The following FAM149A variants were observed in gnomAD, a reference collection of about 807,000 sequenced individuals.
FAM149A encodes protein FAM149A.
Under a neutral mutation model 78.2 loss-of-function variants are expected in FAM149A, and 71 were observed. The ratio of observed to expected loss-of-function variants is 0.91; its 90% CI spans 0.75 to 1.11. FAM149A has a LOEUF of 1.11. Among genes scored for constraint, FAM149A ranks in the 50% least tolerant of loss-of-function variants. The pLI is 0.00. For missense variants in FAM149A, 1,036 were observed against 971.0 expected, an observed-to-expected ratio of 1.07 and a Z score of -0.89; for synonymous variants, 446 against 410.5, an observed-to-expected ratio of 1.09 and a Z score of -1.04.
chr4:186,116,864 ATG>A (rs2099313951), intron 1 of FAM149A: 1 of 566,820 alleles, frequency 1.8e-6, no homozygotes, highest in Non-Finnish European at 2.2e-6. Flanking sequence ...CAAGCTCATA[ATG>A]ATAGTCCTAT....
intron 3 of FAM149A, chr4:186,151,143 C>A: frequency 2.6e-6 from 2 of 759,796 alleles, no homozygotes; most frequent in South Asian, 5.9e-5. Context: ...CTCAGCTCAG[C>A]ACTGCTAGGA....
At position 186,152,096 on chromosome 4, in the gene FAM149A, C is replaced by A. The variant is rs749475482; in HGVS notation, c.932+51C>A. 5 of 1,579,636 alleles carry A rather than the reference C, an allele frequency of 3.2e-6. No homozygotes were observed. In the Admixed American group the frequency reaches 8.4e-5, roughly 27 times the overall value. ...CTGGGGTGGGTTTTCCAAGCACCCA[C>A]CCCTGACCTGCCTCGATACATTCAG... On this transcript the variant is annotated intron_variant, in intron 4 of 13. Coordinates refer to ENST00000389354, the MANE Select transcript of FAM149A (RefSeq NM_001367768.3).
intron 1 of FAM149A, chr4:186,123,809 A>C: frequency 1.0e-6 from 1 of 982,778 alleles, no homozygotes; most frequent in South Asian, 4.7e-5. Context: ...ATGAAATCCC[A>C]GACCCTTCAC....
chr4:186,142,136 A>G (rs976191272), intron 1 of FAM149A, among the ~76,000 whole-genome samples: 3 of 152,156 alleles, frequency 2.0e-5, no homozygotes. Context: ...GAAGGCAGGA[A>G]GCAGAAGTGA....
intron 1 of FAM149A, chr4:186,123,144 G>C: frequency 1.3e-6 from 1 of 790,466 alleles, no homozygotes; most frequent in Non-Finnish European, 1.5e-6. Context: ...TTCTGATGTG[G>C]AGTCCAGTGT....
At chr4:186,167,129 G>T (rs1390301820) in intron 12 of FAM149A, 33 bp downstream of exon 12, 2 of 1,601,748 alleles carry the variant, frequency 1.2e-6, no homozygotes, top group Non-Finnish European at 1.7e-6. Context: ...CTTTAATTTT[G>T]AAAAACATTT....
At chr4:186,119,954 C>T (rs1031633621) in intron 1 of FAM149A, among the ~76,000 whole-genome samples, 4 of 152,128 alleles carry the variant, frequency 2.6e-5, no homozygotes, top group Non-Finnish European at 5.9e-5. Flanking sequence ...AAAATTGAAT[C>T]CTAAGGAACT....
chr4:186,161,684 C>G (rs944420297), intron 8 of FAM149A, among the ~76,000 whole-genome samples: 1 of 152,002 alleles, frequency 6.6e-6, no homozygotes, highest in African/African-American at 2.4e-5. Flanking sequence ...TTTATAATTA[C>G]TTTGTTTGGA....
rs1406124716 is a variant in FAM149A at position 186,105,628 on chromosome 4, C to CG, written c.556dup (p.Asp186GlyfsTer12). 1 of 1,058,656 alleles carries CG rather than the reference C, an allele frequency of 9.4e-7. No individual in the cohort carries two copies. Among genetic ancestry groups the CG allele is most frequent in the African/African-American group, 1.7e-5 (1 of 57,642 alleles). The allele number at this position is 1,058,656 out of a possible 1,614,324, so 65.6% of individuals were successfully genotyped here. A position where few individuals can be genotyped will look rare whatever the true frequency, so the allele number is the denominator to read the frequency against. On this transcript the variant is annotated frameshift_variant, in exon 1 of 14. Transcript: ENST00000389354. LOFTEE classifies it high-confidence loss of function. Reference sequence around the variant, plus strand: ...AGGAGGGGGCCTCGGACGGCGACTCCGGGGATGGCGAAGCGTGAGTAGCAG... The same window carrying CG: ...AGGAGGGGGCCTCGGACGGCGACTCCGGGGGATGGCGAAGCGTGAGTAGCAG...
chr4:186,160,016 CCACA>C (rs1455859806), intron 8 of FAM149A, among the ~76,000 whole-genome samples: 1 of 145,692 alleles, frequency 6.9e-6, no homozygotes, highest in Non-Finnish European at 1.5e-5. Context: ...CACACACCCC[CCACA>C]CAAACACACA....
At position 186,160,159 on chromosome 4, in the gene FAM149A, G is replaced by T. The variant is rs7684001; in HGVS notation, c.1575+2440G>T. ...CACATACCACATACACACACTACAC[G>T]CACACACACCACACACCAAACACAT... is the stretch of plus-strand genomic sequence containing the variant. On this transcript the variant is annotated intron_variant, in intron 8 of 13. Transcript: ENST00000389354. Among the ~76,000 whole-genome samples the T allele has an allele frequency of 7.0e-5, 6 of 86,260 alleles. No individual in the cohort carries two copies. In the East Asian group the frequency reaches 2.0e-3, roughly 28 times the overall value. 56.6% of individuals were successfully genotyped at this position (86,260 alleles called of 152,430 possible). A position where few individuals can be genotyped will look rare whatever the true frequency, so the allele number is the denominator to read the frequency against.
intron 1 of FAM149A, among the ~76,000 whole-genome samples, chr4:186,120,151 G>A (rs1178796257): frequency 6.6e-6 from 1 of 152,034 alleles, no homozygotes; most frequent in African/African-American, 2.4e-5. Flanking sequence ...AGTAACGGCT[G>A]GTATTTCAGG....
Position 186,105,513 on chromosome 4 carries a change from A to G in FAM149A, c.437A>G (p.Gln146Arg). The G allele has an allele frequency of 8.6e-7, 1 of 1,166,350 alleles. No homozygotes were observed. Among genetic ancestry groups the G allele is most frequent in the Non-Finnish European group, 1.1e-6 (1 of 937,636 alleles). The allele number at this position is 1,166,350 out of a possible 1,614,324, so 72.3% of individuals were successfully genotyped here. A position where few individuals can be genotyped will look rare whatever the true frequency, so the allele number is the denominator to read the frequency against. Residue 146 changes from glutamine to arginine, a missense_variant, in exon 1 of 14, where the codon CAG (glutamine) becomes CGG (arginine). Coordinates refer to ENST00000389354, the MANE Select transcript of FAM149A (RefSeq NM_001367768.3). ...GCCGCGCTCCCCAGGAACCCGCTCCAGCCTGGCCCCGGAGAGCGAGAGCTC... is the reference window on the plus strand; with the variant it reads ...GCCGCGCTCCCCAGGAACCCGCTCCGGCCTGGCCCCGGAGAGCGAGAGCTC...
intron 3 of FAM149A, 61 bp from the exon 4 acceptor site, chr4:186,151,842 A>G: frequency 2.5e-6 from 4 of 1,587,338 alleles, no homozygotes; most frequent in Non-Finnish European, 3.4e-6. Flanking sequence ...AGTAGCGTTG[A>G]TCCAGAAGCC....
intron 7 of FAM149A, among the ~76,000 whole-genome samples, chr4:186,156,932 C>G (rs1734079945): frequency 1.6e-5 from 1 of 63,950 alleles, no homozygotes; most frequent in African/African-American, 3.8e-5. Flanking sequence ...GCACTCCATC[C>G]TGGGCAACAA....
At chr4:186,110,329 G>A in intron 1 of FAM149A, 1 of 984,538 alleles carries the variant, frequency 1.0e-6, no homozygotes. Flanking sequence ...TTGCTGCTGG[G>A]ACTTAGCATT....
In FAM149A at chr4:186,105,619, C is replaced by T. The variant is rs1344332375; in HGVS notation, c.543C>T (p.Asp181=). The change falls in exon 1 of 14, where the codon GAC becomes GAT. Residue 181 remains aspartate, a synonymous_variant. Transcript: ENST00000389354. ...ACATCGGCGAGGAGGGGGCCTCGGA[C>T]GGCGACTCCGGGGATGGCGAAGCGT... 1.9e-6 allele frequency: 2 copies of T among 1,054,946 alleles called. No homozygotes were observed. The highest frequency in any genetic ancestry group is 1.2e-6 in the Non-Finnish European group (1 of 868,882). The allele number at this position is 1,054,946 out of a possible 1,614,324, so 65.3% of individuals were successfully genotyped here.
At chr4:186,156,302 G>A (rs1734030052) in intron 7 of FAM149A, 112 bp downstream of exon 7, 4 of 759,440 alleles carry the variant, frequency 5.3e-6, no homozygotes, top group Non-Finnish European at 8.6e-6. Context: ...GAGAAGACAA[G>A]TGGGTGTTCT....
At chr4:186,145,257 C>T (rs545997881) in intron 1 of FAM149A, 308 of 634,532 alleles carry the variant, frequency 4.9e-4, no homozygotes, top group Middle Eastern at 7.7e-4. Context: ...GGGCATGGCT[C>T]ACGCGGGGAA....
Sources: allele counts gnomAD v4.1 joint callset (sites outside exome capture counted in the v4.1 genomes callset), GRCh38; gene constraint gnomAD v4.1.1; transcripts MANE v1.5; gene names NCBI Gene and HGNC (gene_info 2026-07-23, HGNC 2026-07-21).